The following GABRA2 variants were observed in gnomAD, a reference collection of about 807,000 sequenced individuals.
The protein encoded by GABRA2 is gamma-aminobutyric acid receptor subunit alpha-2.
GABRA2 carries 16 observed loss-of-function variants against 48.7 expected under a neutral mutation model. The ratio of observed to expected loss-of-function variants is 0.33; its 90% CI spans 0.22 to 0.50. The LOEUF is 0.50. Ranked by LOEUF, GABRA2 falls within the 20% of genes least tolerant of loss-of-function variation. The pLI, the probability that GABRA2 is intolerant of heterozygous loss-of-function variation, is 0.98. For missense variants in GABRA2, 275 were observed against 535.6 expected, an observed-to-expected ratio of 0.51 and a Z score of 4.80; for synonymous variants, 185 against 184.5, an observed-to-expected ratio of 1.00 and a Z score of -0.02.
intron 4 of GABRA2, among the ~76,000 whole-genome samples, chr4:46,326,392 T>C (rs1730378212): frequency 6.6e-6 from 1 of 151,950 alleles, no homozygotes; most frequent in South Asian, 2.1e-4. Context: ...AAATAAGCCA[T>C]CTCACCTTAA....
chr4:46,250,990 C>T (rs1292637465), intron 9 of GABRA2, among the ~76,000 whole-genome samples: 1 of 151,542 alleles, frequency 6.6e-6, no homozygotes, highest in African/African-American at 2.4e-5. Flanking sequence ...TGATAATCTA[C>T]AATGAATGAT....
intron 2 of GABRA2, among the ~76,000 whole-genome samples, chr4:46,387,651 A>C (rs928322433): frequency 6.6e-6 from 1 of 152,152 alleles, no homozygotes; most frequent in Admixed American, 6.5e-5. Context: ...TTTCTTTCTC[A>C]AATCAATATG....
chr4:46,382,316 G>A (rs1376862513), intron 3 of GABRA2, among the ~76,000 whole-genome samples: 2 of 151,920 alleles, frequency 1.3e-5, no homozygotes, highest in African/African-American at 4.8e-5. Flanking sequence ...GGTTGACCTC[G>A]TTGAGAAGGT....
intron 3 of GABRA2, among the ~76,000 whole-genome samples, chr4:46,348,375 T>C (rs279824): frequency 0.62 from 94,535 of 151,534 alleles, 30,215 homozygotes; most frequent in African/African-American, 0.76. Context: ...GGCGATTCCT[T>C]AGGGATCTAG....
intron 7 of GABRA2, among the ~76,000 whole-genome samples, chr4:46,304,923 C>CAAAAAA (rs34292975): frequency 3.7e-5 from 3 of 80,604 alleles, no homozygotes; most frequent in Non-Finnish European, 6.9e-5. Context: ...GACTCTGTCT[C>CAAAAAA]AAAAAAAAAA....
intron 4 of GABRA2, among the ~76,000 whole-genome samples, chr4:46,320,376 T>C (rs1344095736): frequency 2.0e-5 from 3 of 151,854 alleles, no homozygotes; most frequent in Non-Finnish European, 2.9e-5. Flanking sequence ...ATCTTGGCAA[T>C]GAGTGTTTTG....
chr4:46,276,348 C>T (rs551905), intron 8 of GABRA2, among the ~76,000 whole-genome samples: 95,239 of 151,742 alleles, frequency 0.63, 30,564 homozygotes, highest in South Asian at 0.76. Flanking sequence ...ATGTACAATA[C>T]GACACCTGGG....
intron 8 of GABRA2, among the ~76,000 whole-genome samples, chr4:46,264,345 G>A (rs984845507): frequency 9.2e-5 from 14 of 152,052 alleles, no homozygotes; most frequent in African/African-American, 3.4e-4. Context: ...GCTAGAACCT[G>A]TAGTATAACG....
intron 3 of GABRA2, among the ~76,000 whole-genome samples, chr4:46,341,696 C>T (rs1259630632): frequency 1.3e-5 from 2 of 152,016 alleles, no homozygotes; most frequent in Non-Finnish European, 1.5e-5. Context: ...AATCTGAAGG[C>T]CATCCAATTT....
At chr4:46,361,609 C>G (rs912472646) in intron 3 of GABRA2, among the ~76,000 whole-genome samples, 1 of 152,198 alleles carries the variant, frequency 6.6e-6, no homozygotes, top group African/African-American at 2.4e-5. Flanking sequence ...GCTACTGGGG[C>G]ACCACCTAGT....
intron 3 of GABRA2, among the ~76,000 whole-genome samples, chr4:46,358,414 T>C (rs1156281424): frequency 6.6e-6 from 1 of 152,206 alleles, no homozygotes; most frequent in South Asian, 2.1e-4. Context: ...TGTTTTGTTT[T>C]GCAATACTGA....
At chr4:46,310,368 C>T (rs1727432143) in intron 5 of GABRA2, 113 bp from the exon 6 acceptor site, 3 of 606,620 alleles carry the variant, frequency 4.9e-6, no homozygotes, top group South Asian at 2.6e-5. Flanking sequence ...CAGCAGTAGG[C>T]TCATTCATAT....
At chr4:46,270,937 T>C (rs1338309225) in intron 8 of GABRA2, among the ~76,000 whole-genome samples, 2 of 151,544 alleles carry the variant, frequency 1.3e-5, no homozygotes, top group Non-Finnish European at 2.9e-5. Flanking sequence ...TGCTTTCCAA[T>C]ACTGTTGTTA....
rs1351354390 is a variant in GABRA2, at chr4:46,245,936, TAAC to T, written c.*4369_*4371del. Among the ~76,000 whole-genome samples, 7 of 151,176 alleles carry T rather than the reference TAAC, an allele frequency of 4.6e-5. No individual in the cohort carries two copies. In the East Asian group the frequency reaches 5.8e-4, roughly 13 times the overall value. On this transcript the variant is annotated 3_prime_UTR_variant, in exon 10 of 10. Coordinates refer to ENST00000381620, the MANE Select transcript of GABRA2 (RefSeq NM_000807.4). Reference sequence around the variant, plus strand: ...CAAACAAAAATAGAATATTTCAACTTAACAAGATGGAAGACACAGTGGTCTAGA... The same window carrying T: ...CAAACAAAAATAGAATATTTCAACTTAAGATGGAAGACACAGTGGTCTAGA...
intron 8 of GABRA2, among the ~76,000 whole-genome samples, chr4:46,284,124 G>T (rs525354): frequency 6.8e-6 from 1 of 147,870 alleles, no homozygotes; most frequent in African/African-American, 2.5e-5. Flanking sequence ...ATAATATTAA[G>T]AAAAAATACA....
At chr4:46,339,299 A>G (rs976148222) in intron 3 of GABRA2, among the ~76,000 whole-genome samples, 2 of 151,998 alleles carry the variant, frequency 1.3e-5, no homozygotes, top group South Asian at 4.1e-4. Context: ...CTATGTTACT[A>G]TACTGGATAG....
chr4:46,273,468 C>CATATATATATATATGCAT (rs1395971576), intron 8 of GABRA2, among the ~76,000 whole-genome samples: 7 of 43,078 alleles, frequency 1.6e-4, no homozygotes, highest in East Asian at 5.3e-4. Flanking sequence ...CCATTCATTG[C>CATATATATATATATGCAT]ATATATATAT....
chr4:46,250,946 T>A (rs1337233763), intron 9 of GABRA2, among the ~76,000 whole-genome samples: 1 of 151,576 alleles, frequency 6.6e-6, no homozygotes, highest in African/African-American at 2.4e-5. Flanking sequence ...ACTGAATGAA[T>A]AACTGAAATG....
intron 3 of GABRA2, among the ~76,000 whole-genome samples, chr4:46,352,500 T>C (rs1309349865): frequency 2.6e-5 from 4 of 152,040 alleles, no homozygotes; most frequent in Admixed American, 6.6e-5. Flanking sequence ...CATCTGTAAA[T>C]GTTCACAAGA....
Sources: gnomAD v4.1 joint callset for allele counts (sites outside exome capture counted in the v4.1 genomes callset) on GRCh38, gnomAD v4.1.1 for gene constraint, MANE v1.5 for transcripts, NCBI Gene and HGNC (gene_info 2026-07-23, HGNC 2026-07-21) for gene names.